Variants in KANK1 observed in about 807,000 individuals in gnomAD.
The protein encoded by KANK1 is KN motif and ankyrin repeat domain-containing protein 1.
KANK1 carries 109 observed loss-of-function variants against 106.2 expected under a neutral mutation model. The ratio of observed to expected loss-of-function variants is 1.03; its 90% CI spans 0.88 to 1.20. KANK1 has a LOEUF of 1.20. KANK1 is among the 50% of genes most tolerant of loss of function. The pLI is 0.00. For synonymous variants in KANK1, 873 were observed against 652.2 expected (o/e 1.34, Z -5.16); for missense variants, 2,399 against 1,710.7 (o/e 1.40, Z -7.10).
chr9:536,585 T>G (rs1211364575), intron 1 of KANK1, among the ~76,000 whole-genome samples: 2 of 152,176 alleles, frequency 1.3e-5, no homozygotes, highest in African/African-American at 4.8e-5. Context: ...CGCCTGACAT[T>G]TCTTCTGGCT....
intron 1 of KANK1, among the ~76,000 whole-genome samples, chr9:615,147 C>G (rs538721073): frequency 1.3e-5 from 2 of 152,298 alleles, no homozygotes; most frequent in African/African-American, 4.8e-5. Flanking sequence ...GTTGCCCAGA[C>G]TGGTCCTGAA....
intron 1 of KANK1, chr9:540,460 C>T (rs762840787): frequency 1.3e-5 from 2 of 152,146 alleles, no homozygotes; most frequent in South Asian, 4.1e-4. Context: ...AGGATTTTTG[C>T]TTCTCTAGTC....
At chr9:737,414 A>G (rs879391303) in intron 7 of KANK1, among the ~76,000 whole-genome samples, 1 of 152,232 alleles carries the variant, frequency 6.6e-6, no homozygotes, top group Non-Finnish European at 1.5e-5. Context: ...TTAAACTTTT[A>G]AAGAGTAAGC....
At chr9:636,255 C>G (rs1837115520) in intron 1 of KANK1, among the ~76,000 whole-genome samples, 1 of 152,122 alleles carries the variant, frequency 6.6e-6, no homozygotes, top group Non-Finnish European at 1.5e-5. Flanking sequence ...ATGCAGAACT[C>G]TCCTGGCTGA....
chr9:639,189 A>G (rs1588477801), intron 1 of KANK1, among the ~76,000 whole-genome samples: 1 of 152,150 alleles, frequency 6.6e-6, no homozygotes, highest in African/African-American at 2.4e-5. Context: ...CTGGGATTAC[A>G]TTCCACCCTA....
At position 496,041 on chromosome 9, in the gene KANK1, T is replaced by C. The variant is rs192485437; in HGVS notation, c.-362+22768T>C. The stretch of plus-strand genomic sequence containing the variant: ...GAAGGGGTCAGGGTGGACTTCTGGC[T>C]CTGGCCTCCAGCAACCTGGGTTCAA... On this transcript the variant is annotated intron_variant, in intron 3 of 15. Transcript: ENST00000382303. Among the ~76,000 whole-genome samples the C allele has an allele frequency of 5.5e-4, 84 of 152,290 alleles. 1 individual carries two copies. Among genetic ancestry groups the C allele is most frequent in the African/African-American group, 2.0e-3 (82 of 41,552 alleles).
At chr9:667,017 G>T (rs1844785034) in intron 1 of KANK1, among the ~76,000 whole-genome samples, 1 of 130,026 alleles carries the variant, frequency 7.7e-6, no homozygotes. Flanking sequence ...TTTTTTTGAA[G>T]ACTTTGAGTA....
At chr9:585,753 G>T (rs1019591970) in intron 1 of KANK1, among the ~76,000 whole-genome samples, 1 of 152,058 alleles carries the variant, frequency 6.6e-6, no homozygotes, top group Non-Finnish European at 1.5e-5. Flanking sequence ...TGAAAGAGGG[G>T]GTAAGAAAAG....
intron 1 of KANK1, among the ~76,000 whole-genome samples, chr9:650,317 C>A (rs531617411): frequency 6.6e-6 from 1 of 152,224 alleles, no homozygotes; most frequent in African/African-American, 2.4e-5. Flanking sequence ...AGTAAAAGAT[C>A]AGGAAATAAA....
intron 3 of KANK1, among the ~76,000 whole-genome samples, chr9:715,819 A>G (rs1564064409): frequency 6.6e-6 from 1 of 152,242 alleles, no homozygotes; most frequent in Non-Finnish European, 1.5e-5. Context: ...TAATTAGGTT[A>G]GGAAATGAAC....
At chr9:546,568 C>T (rs1292516826) in intron 1 of KANK1, among the ~76,000 whole-genome samples, 1 of 151,988 alleles carries the variant, frequency 6.6e-6, no homozygotes, top group East Asian at 1.9e-4. Context: ...TTTCACCTTG[C>T]CTCTCCTACC....
chr9:580,464 G>T (rs555198669), intron 1 of KANK1, among the ~76,000 whole-genome samples: 3 of 152,194 alleles, frequency 2.0e-5, no homozygotes, highest in Non-Finnish European at 4.4e-5. Context: ...CCTGTTGATT[G>T]GTCAATTTTA....
rs746227832 is a variant in KANK1 at position 711,356 on chromosome 9, CT to C, written c.592del (p.Ser198LeufsTer47). On this transcript the variant is annotated frameshift_variant, in exon 3 of 12. Coordinates refer to ENST00000382297, the MANE Select transcript of KANK1 (RefSeq NM_015158.5). LOFTEE classifies it high-confidence loss of function. The part of the protein sequence containing the change: ...FGGMGTTSSL[P>X]SFVGSGNHNP... ...GGCATGGGCACCACAAGCTCCCTCC[CT>C]TCTTTTGTGGGTTCTGGAAACCACA... 25 of 1,613,968 alleles carry C rather than the reference CT, an allele frequency of 1.5e-5. No individual in the cohort carries two copies.
chr9:742,165 C>G (rs1339741588), intron 9 of KANK1, 40 bp from the exon 10 acceptor site: 1 of 1,575,342 alleles, frequency 6.3e-7, no homozygotes, highest in Admixed American at 1.7e-5. Context: ...ACTGCCAGCT[C>G]AGTACGTACT....
At chr9:521,745 A>C (rs2059563706) in intron 1 of KANK1, among the ~76,000 whole-genome samples, 1 of 150,738 alleles carries the variant, frequency 6.6e-6, no homozygotes, top group South Asian at 2.1e-4. Context: ...TTTTTGTATT[A>C]TTGGTAGAGA....
intron 2 of KANK1, among the ~76,000 whole-genome samples, chr9:691,606 C>G (rs963488504): frequency 1.5e-5 from 1 of 68,256 alleles, no homozygotes; most frequent in Admixed American, 1.8e-4. Flanking sequence ...CTAAATAATA[C>G]CAGAATTTTT....
At chr9:710,640 C>CAA (rs1380921183) in intron 2 of KANK1, among the ~76,000 whole-genome samples, 164 bp from the exon 3 acceptor site, 1 of 76,686 alleles carries the variant, frequency 1.3e-5, no homozygotes, top group Non-Finnish European at 2.2e-5. Context: ...CAAAAAAAAA[C>CAA]AAAAAAAACT....
chr9:640,450 T>C (rs1176416026), intron 1 of KANK1, among the ~76,000 whole-genome samples: 2 of 150,596 alleles, frequency 1.3e-5, no homozygotes, highest in African/African-American at 2.5e-5. Flanking sequence ...CAGACTGGAG[T>C]GCAATGGTGT....
chr9:745,043 G>A (rs1046550649), intron 11 of KANK1, 130 bp from the exon 12 acceptor site: 2 of 1,519,552 alleles, frequency 1.3e-6, no homozygotes, highest in Non-Finnish European at 1.8e-6. Context: ...CCTGTTCTCA[G>A]CCAGAGCTCT....
Sources: gnomAD v4.1 joint callset for allele counts (sites outside exome capture counted in the v4.1 genomes callset) on GRCh38, gnomAD v4.1.1 for gene constraint, MANE v1.5 for transcripts, NCBI Gene and HGNC (gene_info 2026-07-23, HGNC 2026-07-21) for gene names.